Variants in PLEC observed in about 807,000 individuals in gnomAD.
The protein encoded by PLEC is plectin, also known as hemidesmosomal protein 1.
Under a neutral mutation model 392.8 loss-of-function variants are expected in PLEC, and 216 were observed. The ratio of observed to expected loss-of-function variants is 0.55; its 90% CI spans 0.49 to 0.62. PLEC has a LOEUF of 0.62. PLEC is among the 20% of genes least tolerant of loss of function. The pLI, the probability that PLEC is intolerant of heterozygous loss-of-function variation, is 0.00. For synonymous variants in PLEC, 3,621 were observed against 2,980.6 expected, an observed-to-expected ratio of 1.21 and a Z score of -7.00; for missense variants, 6,863 against 6,563.4, an observed-to-expected ratio of 1.05 and a Z score of -1.58.
rs1554701000 is a variant in PLEC, at chr8:143,925,161, C to T, written c.4768G>A (p.Ala1590Thr). 4 of 1,559,296 alleles carry T rather than the reference C, an allele frequency of 2.6e-6. No individual in the cohort carries two copies. Among genetic ancestry groups the T allele is most frequent in the Admixed American group, 3.6e-5 (2 of 54,838 alleles). ...SKRASFAEKT[A>T]QLERSLQEEH... Reference sequence around the variant, plus strand: ...TCCTGCAGGGAGCGCTCCAGCTGTGCCGTCTTCTCGGCGAAGGAGGCGCGT... The same window carrying T: ...TCCTGCAGGGAGCGCTCCAGCTGTGTCGTCTTCTCGGCGAAGGAGGCGCGT... Residue 1590 changes from alanine (A) to threonine (T), a missense_variant, in exon 31 of 32, where the codon GCA becomes ACA. Physicochemically the swap from Ala to Thr is moderately conservative, Grantham distance 58. Coordinates refer to ENST00000345136, the MANE Select transcript of PLEC (RefSeq NM_201384.3).
upstream of PLEC, among the ~76,000 whole-genome samples, chr8:143,975,866 C>G (rs922946627): frequency 1.4e-4 from 22 of 152,262 alleles, no homozygotes; most frequent in African/African-American, 5.3e-4. The surrounding 1 kb of genome is among the most constrained non-coding windows in gnomAD (Gnocchi z 9.9). Flanking sequence ...TCCACTGCCT[C>G]CATCCCAAAC....
In PLEC at chr8:143,918,063, C is replaced by G. The variant is rs914989960; in HGVS notation, c.11758G>C (p.Glu3920Gln). The G allele has an allele frequency of 1.1e-5, 18 of 1,602,364 alleles. No homozygotes were observed. The highest frequency in any genetic ancestry group is 1.5e-5 in the Non-Finnish European group (18 of 1,176,340). ...AACTTCTGCAAGTTCTTGGTGACCT[C>G]CTCGATGGAGGTCAGGCCCTCCCGC... ...QLREGLTSIE[E>Q]VTKNLQKFLE... Residue 3920 changes from glutamate (E) to glutamine (Q), a missense_variant, in exon 32 of 32, where the codon GAG (glutamate) becomes CAG (glutamine). Transcript: ENST00000345136.
At chr8:143,974,224 TG>T (rs1182715122), upstream of PLEC, among the ~76,000 whole-genome samples, 1 of 152,214 alleles carries the variant, frequency 6.6e-6, no homozygotes, top group Non-Finnish European at 1.5e-5. The surrounding 1 kb of genome is among the most constrained non-coding windows in gnomAD (Gnocchi z 5.9). Flanking sequence ...AGGTGCTGGC[TG>T]GGGGCAAAGC....
In PLEC at chr8:143,935,422, C is replaced by A. The variant is rs991427758; in HGVS notation, c.603-109G>T. Reference sequence around the variant, plus strand: ...ACACATCCCAGCAACCATGGACCCCCCCAACACTCACCCTGAAAAATACAC... The same window carrying A: ...ACACATCCCAGCAACCATGGACCCCACCAACACTCACCCTGAAAAATACAC... On this transcript the variant is annotated intron_variant, in intron 6 of 31. Coordinates refer to ENST00000345136, the MANE Select transcript of PLEC (RefSeq NM_201384.3). The A allele has an allele frequency of 2.6e-5, 20 of 773,856 alleles. No homozygotes were observed. In the African/African-American group the frequency reaches 2.9e-4, roughly 11 times the overall value. The allele number at this position is 773,856 out of a possible 1,614,324, so 47.9% of individuals were successfully genotyped here.
upstream of PLEC, chr8:143,950,973 C>G (rs1382850105): frequency 3.2e-6 from 2 of 622,060 alleles, no homozygotes; most frequent in Non-Finnish European, 5.2e-6. Flanking sequence ...CCCCCTCTGA[C>G]TCAGCAGCAT....
rs782449012 is a variant in PLEC, at chr8:143,923,544, C to A, written c.6385G>T (p.Ala2129Ser). 66 of 1,598,240 alleles carry A rather than the reference C, an allele frequency of 4.1e-5. No homozygotes were observed. The African/African-American group carries it at 7.8e-4, about 19-fold the overall frequency. Residue 2129 changes from alanine to serine, a missense_variant, in exon 31 of 32, where the codon GCT becomes TCT. Ala to Ser is a moderately conservative substitution (Grantham distance 99). Transcript: ENST00000345136. ...TTCTCTGCAGCCGCCTGTGCCTGAG[C>A]CCGGGCCTGTGCCTGCTCCTCTGCC... ...QSAEEQAQAR[A>S]QAQAAAEKLR...
Position 143,933,185 on chromosome 8 carries a change from G to T in PLEC, c.1418+12C>A. On this transcript the variant is annotated intron_variant, in intron 13 of 31. Transcript: ENST00000345136. ...TGTACCTGGGCTTCAGGGAGGGCAG[G>T]GCGGGGCCCACCTGCGGTACATCTG... 1 of 1,611,812 alleles carries T rather than the reference G, an allele frequency of 6.2e-7. No homozygotes were observed. The highest frequency in any genetic ancestry group is 8.5e-7 in the Non-Finnish European group (1 of 1,179,800).
Position 143,925,574 on chromosome 8 carries a change from T to C in PLEC, c.4355A>G (p.Glu1452Gly), listed in dbSNP as rs782676366. 1 of 1,582,662 alleles carries C rather than the reference T, an allele frequency of 6.3e-7. No individual in the cohort carries two copies. Among genetic ancestry groups the C allele is most frequent in the Non-Finnish European group, 8.5e-7 (1 of 1,172,234 alleles). The change falls in exon 31 of 32, where the codon GAG (glutamate) becomes GGG (glycine). Residue 1452 changes from glutamate (E) to glycine (G), a missense_variant. Physicochemically the swap from Glu to Gly is moderately conservative, Grantham distance 98. Coordinates refer to ENST00000345136, the MANE Select transcript of PLEC (RefSeq NM_201384.3). ...CTGCAGGCGCACCACGCGGATCTCCTCCTCGATGCGCAGCCGGCTGCGCTC... is the reference window on the plus strand; with the variant it reads ...CTGCAGGCGCACCACGCGGATCTCCCCCTCGATGCGCAGCCGGCTGCGCTC... Reference protein sequence around the residue: ...AAERSRLRIEEEIRVVRLQLE... With the variant: ...AAERSRLRIEGEIRVVRLQLE...
chr8:143,938,129 G>A (rs1829542224), intron 3 of PLEC, 22 bp downstream of exon 3: 1 of 1,577,704 alleles, frequency 6.3e-7, no homozygotes, highest in Non-Finnish European at 8.6e-7. Flanking sequence ...GCGGGGCCCG[G>A]AGGGGGCAGG....
At position 143,923,669 on chromosome 8, in the gene PLEC, C is replaced by T. The variant is rs782091020; in HGVS notation, c.6260G>A (p.Arg2087Gln). ...DQLRGEAEAA[R>Q]RAAEEAEEAR... ...CTCCTCCGCCTCCTCAGCCGCCCGC[C>T]GGGCCGCCTCCGCCTCGCCGCGCAG... The change falls in exon 31 of 32, where the codon CGG (arginine) becomes CAG (glutamine). Residue 2087 changes from arginine (R) to glutamine (Q), a missense_variant. Transcript: ENST00000345136. 55 of 1,559,290 alleles carry T rather than the reference C, an allele frequency of 3.5e-5. No homozygotes were observed. Among genetic ancestry groups the T allele is most frequent in the Admixed American group, 3.1e-4 (17 of 55,270 alleles).
chr8:143,918,991 G>T lies in PLEC; in HGVS notation c.10830C>A (p.Ala3610=). ...TCATGCGTTCCTTGGTCACCCGGCCGGCCTGGAAGTCAGCCATCAGCTGGG... is the reference window on the plus strand; with the variant it reads ...TCATGCGTTCCTTGGTCACCCGGCCTGCCTGGAAGTCAGCCATCAGCTGGG... ...QRAQLMADFQ[A]GRVTKERMII... is the part of the protein sequence containing the mutation. The change falls in exon 32 of 32, where the codon GCC becomes GCA. Residue 3610 remains alanine (A), a synonymous_variant. Coordinates refer to ENST00000345136, the MANE Select transcript of PLEC (RefSeq NM_201384.3). The T allele has an allele frequency of 6.2e-7, 1 of 1,611,190 alleles. No individual in the cohort carries two copies. Among genetic ancestry groups the T allele is most frequent in the Non-Finnish European group, 8.5e-7 (1 of 1,180,018 alleles).
rs1156873530 is a variant in PLEC at position 143,937,246 on chromosome 8, T to C, written c.265-4A>G. The stretch of plus-strand genomic sequence containing the variant: ...GCATCCTCCCCTTCTCCCGGGGCTG[T>C]GGGGAGGCACAGTCAGCACCCACAG... On this transcript the variant is annotated splice_region_variant and splice_polypyrimidine_tract_variant and intron_variant, in intron 3 of 31. Transcript: ENST00000345136. 1.9e-6 allele frequency: 3 copies of C among 1,610,632 alleles called. No individual in the cohort carries two copies. The highest frequency in any genetic ancestry group is 2.5e-6 in the Non-Finnish European group (3 of 1,178,238).
chr8:143,970,353 C>T (rs1005806764), intron 1 of PLEC, among the ~76,000 whole-genome samples: 2 of 151,594 alleles, frequency 1.3e-5, no homozygotes, highest in Non-Finnish European at 2.9e-5. Flanking sequence ...CGGGGAGAGT[C>T]ACACCTCTGG....
rs1823438276 is a variant in PLEC, at chr8:143,923,023, T to A, written c.6906A>T (p.Ala2302=). 6.2e-7 allele frequency: 1 copy of A among 1,611,626 alleles called. No homozygotes were observed. Among genetic ancestry groups the A allele is most frequent in the South Asian group, 1.1e-5 (1 of 90,958 alleles). ...TCTTCTCTGCCAAGGCCCGCTGCTG[T>A]GCCAGGTCCTCCTCTGCCAGCTGCC... is the stretch of plus-strand genomic sequence containing the variant. ...RLRQLAEEDL[A]QQRALAEKML... The change falls in exon 31 of 32, where the codon GCA becomes GCT. Residue 2302 remains alanine (A), a synonymous_variant. Transcript: ENST00000345136.
At chr8:143,970,874 C>T (rs904940573) in intron 1 of PLEC, among the ~76,000 whole-genome samples, 20 of 152,178 alleles carry the variant, frequency 1.3e-4, no homozygotes, top group South Asian at 2.1e-4. Context: ...GCAGCTGGGC[C>T]GACTGTCTAA....
chr8:143,927,156 G>T, intron 28 of PLEC, 75 bp from the exon 29 acceptor site: 1 of 1,563,474 alleles, frequency 6.4e-7, no homozygotes, highest in Non-Finnish European at 8.8e-7. Flanking sequence ...ACCCTCACAT[G>T]GGCTTTCCCT....
At chr8:143,960,891 G>A (rs528941381) in intron 1 of PLEC, among the ~76,000 whole-genome samples, 2 of 152,320 alleles carry the variant, frequency 1.3e-5, no homozygotes, top group Admixed American at 6.5e-5. Context: ...TAACACAAAC[G>A]GTGAAATCTT....
Position 143,916,863 on chromosome 8 carries a change from C to T in PLEC, c.12958G>A (p.Gly4320Ser), listed in dbSNP as rs1393023116. Residue 4320 changes from glycine (G) to serine (S), a missense_variant, in exon 32 of 32, where the codon GGC becomes AGC. By Grantham distance (56) the Gly-to-Ser change is moderately conservative. Transcript: ENST00000345136. ...TCACCGGTGCTGGGGTCGATGATGC[C>T]CCCGGTGCAGGCCTGCGCCTCCAGC... is the stretch of plus-strand genomic sequence containing the variant. Reference protein sequence around the residue: ...RLLEAQACTGGIIDPSTGERF... With the variant: ...RLLEAQACTGSIIDPSTGERF... The T allele has an allele frequency of 3.1e-6, 5 of 1,611,702 alleles. No individual in the cohort carries two copies. The highest frequency in any genetic ancestry group is 1.3e-5 in the African/African-American group (1 of 74,602).
At position 143,961,556 on chromosome 8, in the gene PLEC, T is replaced by A. The variant is rs1832874238; in HGVS notation, c.70+11847A>T. On this transcript the variant is annotated intron_variant, in intron 1 of 31. Coordinates refer to the PLEC transcript ENST00000356346. ...CCCTTTTTAACAACAGTCATAGAGA[T>A]GCACAATGACCCAGCTACAACACTG... Among the ~76,000 whole-genome samples, 3 of 152,242 alleles carry A rather than the reference T, an allele frequency of 2.0e-5. No individual in the cohort carries two copies. The South Asian group carries it at 6.2e-4, about 32-fold the overall frequency.
Sources: allele counts gnomAD v4.1 joint callset (sites outside exome capture counted in the v4.1 genomes callset), GRCh38; gene constraint gnomAD v4.1.1; non-coding constraint Gnocchi (gnomAD v3.1); transcripts MANE v1.5; gene names NCBI Gene and HGNC (gene_info 2026-07-23, HGNC 2026-07-21).